The following PHF21A variants were observed in gnomAD, a reference collection of about 807,000 sequenced individuals.
The protein encoded by PHF21A is PHD finger protein 21A.
PHF21A carries 11 observed loss-of-function variants against 82.5 expected under a neutral mutation model. The ratio of observed to expected loss-of-function variants is 0.13; its 90% CI spans 0.08 to 0.22. The LOEUF (loss-of-function observed/expected upper bound fraction) is 0.22, where lower values mean the gene tolerates loss of function less well. Among genes scored for constraint, PHF21A ranks in the 10% least tolerant of loss-of-function variants. The probability of loss-of-function intolerance (pLI) is 1.00; values close to 1 mark genes in which losing one functional copy is unlikely to be tolerated. For missense variants in PHF21A, 579 were observed against 837.8 expected (o/e 0.69, Z 3.81); for synonymous variants, 297 against 302.8 (o/e 0.98, Z 0.20).
Position 46,115,706 on chromosome 11 carries a change from G to A in PHF21A, c.-237+5229C>T, listed in dbSNP as rs2097280950. Among the ~76,000 whole-genome samples the A allele has an allele frequency of 2.6e-5, 4 of 152,084 alleles. 1 individual carries two copies. In the South Asian group the frequency reaches 8.3e-4, roughly 31 times the overall value. ...AATTCAAACATGTTTCAAGAAATCA[G>A]TTCTAGATATAGATATAAAAGAATT... On this transcript the variant is annotated intron_variant, in intron 1 of 18. Transcript: ENST00000676320.
At chr11:46,043,448 G>A (rs1204697043) in intron 6 of PHF21A, among the ~76,000 whole-genome samples, 1 of 151,984 alleles carries the variant, frequency 6.6e-6, no homozygotes, top group African/African-American at 2.4e-5. Flanking sequence ...TCTATATCTA[G>A]AAAAGCAAAC....
intron 10 of PHF21A, among the ~76,000 whole-genome samples, chr11:45,963,159 C>T (rs1474564220): frequency 1.3e-5 from 2 of 151,880 alleles, no homozygotes; most frequent in Non-Finnish European, 1.5e-5. Flanking sequence ...GTGGCTCACA[C>T]CTGTAATCCC....
At chr11:46,090,156 G>A (rs1232461260) in intron 3 of PHF21A, among the ~76,000 whole-genome samples, 1 of 151,922 alleles carries the variant, frequency 6.6e-6, no homozygotes, top group Non-Finnish European at 1.5e-5. Flanking sequence ...AAATGGAGGA[G>A]GTTGGGGAGT....
At chr11:46,093,253 A>G (rs1243229855) in intron 1 of PHF21A, among the ~76,000 whole-genome samples, 2 of 152,212 alleles carry the variant, frequency 1.3e-5, no homozygotes, top group Non-Finnish European at 2.9e-5. Flanking sequence ...TATGCTCTAA[A>G]ACTACATGTC....
intron 16 of PHF21A, among the ~76,000 whole-genome samples, chr11:45,937,178 G>T (rs2089279098): frequency 1.3e-5 from 2 of 152,156 alleles, no homozygotes; most frequent in Non-Finnish European, 2.9e-5. Context: ...TTCAAAGCAG[G>T]ATTCCAAAGA....
chr11:45,950,730 T>G (rs1194632519), intron 11 of PHF21A, among the ~76,000 whole-genome samples: 1 of 152,016 alleles, frequency 6.6e-6, no homozygotes, highest in African/African-American at 2.4e-5. Flanking sequence ...GTGATCCGAG[T>G]GACCCGCCCC....
chr11:46,012,575 A>T (rs1191597903), intron 6 of PHF21A, among the ~76,000 whole-genome samples: 1 of 152,198 alleles, frequency 6.6e-6, no homozygotes, highest in Non-Finnish European at 1.5e-5. Flanking sequence ...AAATGGAGAT[A>T]AAAGTAGCTA....
chr11:45,946,045 GGAAA>G (rs774243462), intron 14 of PHF21A, 42 bp from the exon 15 acceptor site: 32 of 1,613,958 alleles, frequency 2.0e-5, no homozygotes, highest in Non-Finnish European at 2.7e-5. Context: ...AAACGGGGAG[GGAAA>G]GAGAGGGGGA....
At chr11:46,019,289 C>A (rs1385895675) in intron 6 of PHF21A, among the ~76,000 whole-genome samples, 4 of 152,046 alleles carry the variant, frequency 2.6e-5, no homozygotes, top group African/African-American at 9.7e-5. Flanking sequence ...ATCTGAGTTC[C>A]AAATAAAGTC....
At chr11:45,956,987 C>A (rs937777442) in intron 10 of PHF21A, among the ~76,000 whole-genome samples, 2 of 152,010 alleles carry the variant, frequency 1.3e-5, no homozygotes, top group African/African-American at 4.8e-5. Flanking sequence ...GGCTATAGTA[C>A]TATTAGACAA....
Position 45,929,916 on chromosome 11 carries a change from G to C in PHF21A, c.*4052C>G, listed in dbSNP as rs1174593035. The C allele has an allele frequency of 6.6e-6, 1 of 152,200 alleles. No homozygotes were observed. Among genetic ancestry groups the C allele is most frequent in the Non-Finnish European group, 1.5e-5 (1 of 68,156 alleles). 9.4% of individuals were successfully genotyped at this position (152,200 alleles called of 1,614,324 possible). ...ATGGGAGTCCTGCTTCCTGCCAGGG[G>C]TGCCCGGCAGAGGGACAGGGGCGAG... On this transcript the variant is annotated 3_prime_UTR_variant, in exon 19 of 19. Coordinates refer to ENST00000676320, the MANE Select transcript of PHF21A (RefSeq NM_001352027.3).
At chr11:45,987,846 G>C (rs2094550389) in intron 6 of PHF21A, among the ~76,000 whole-genome samples, 1 of 151,948 alleles carries the variant, frequency 6.6e-6, no homozygotes, top group South Asian at 2.1e-4. Context: ...TCATTACATG[G>C]CTGTATCCCA....
chr11:45,987,857 C>A (rs181210071), intron 6 of PHF21A, among the ~76,000 whole-genome samples: 1 of 152,116 alleles, frequency 6.6e-6, no homozygotes, highest in Non-Finnish European at 1.5e-5. Context: ...CTGTATCCCA[C>A]AACCTAAAGG....
chr11:46,034,977 C>T (rs756187278), intron 6 of PHF21A, among the ~76,000 whole-genome samples: 1 of 152,112 alleles, frequency 6.6e-6, no homozygotes, highest in African/African-American at 2.4e-5. Flanking sequence ...GTTAGCCTAC[C>T]GTAGTTAAAA....
At chr11:46,095,051 G>A (rs1054050525) in intron 1 of PHF21A, among the ~76,000 whole-genome samples, 1 of 152,034 alleles carries the variant, frequency 6.6e-6, no homozygotes, top group Non-Finnish European at 1.5e-5. Flanking sequence ...GCTTTAATTG[G>A]TTTCACAATG....
chr11:45,976,171 C>A (rs960927407), intron 7 of PHF21A, among the ~76,000 whole-genome samples: 6 of 152,058 alleles, frequency 3.9e-5, no homozygotes, highest in Non-Finnish European at 8.8e-5. Flanking sequence ...TATTTTGACG[C>A]CATCCTTTTG....
At chr11:45,991,825 A>G (rs1404256534) in intron 6 of PHF21A, among the ~76,000 whole-genome samples, 1 of 152,202 alleles carries the variant, frequency 6.6e-6, no homozygotes, top group Non-Finnish European at 1.5e-5. Context: ...CTTTACCTCT[A>G]TAGCACTGCA....
rs1212001455 is a variant in PHF21A at position 46,079,374 on chromosome 11, T to G, written c.55-208A>C. 2.0e-5 allele frequency among the ~76,000 whole-genome samples: 3 copies of G among 152,186 alleles called. No homozygotes were observed. In the East Asian group the frequency reaches 5.8e-4, roughly 29 times the overall value. The stretch of plus-strand genomic sequence containing the variant: ...AAAAAATCAAACCACCACTTTATAT[T>G]TGAAATGAAAAAGTGCCTGATTTTT... On this transcript the variant is annotated intron_variant, in intron 4 of 18. Coordinates refer to ENST00000676320, the MANE Select transcript of PHF21A (RefSeq NM_001352027.3).
At chr11:46,109,148 T>G (rs2097183484) in intron 1 of PHF21A, among the ~76,000 whole-genome samples, 1 of 152,220 alleles carries the variant, frequency 6.6e-6, no homozygotes, top group Admixed American at 6.5e-5. Flanking sequence ...TTTGGACATT[T>G]AAGAGCAAGG....
Sources: allele counts gnomAD v4.1 joint callset (sites outside exome capture counted in the v4.1 genomes callset), GRCh38; gene constraint gnomAD v4.1.1; transcripts MANE v1.5; gene names NCBI Gene and HGNC (gene_info 2026-07-23, HGNC 2026-07-21).